EAF2: variants seen among roughly 807,000 people sequenced by gnomAD.
EAF2 encodes the protein ELL-associated factor 2.
Under a neutral mutation model 29.4 loss-of-function variants are expected in EAF2, and 29 were observed. The ratio of observed to expected loss-of-function variants is 0.99; its 90% CI spans 0.73 to 1.35. EAF2 has a LOEUF of 1.35. EAF2 is among the 40% of genes most tolerant of loss of function. EAF2 has a pLI of 0.00. For missense variants in EAF2, 292 were observed against 312.0 expected (o/e 0.94, Z 0.48); for synonymous variants, 103 against 102.5 (o/e 1.00, Z -0.03).
intron 5 of EAF2, among the ~76,000 whole-genome samples, chr3:121,879,153 T>C (rs1920297): frequency 0.22 from 33,883 of 152,218 alleles, 4,347 homozygotes; most frequent in Admixed American, 0.36. Flanking sequence ...GTGGGCATTT[T>C]TTAAAATTAT....
intron 1 of EAF2, among the ~76,000 whole-genome samples, chr3:121,838,807 G>A (rs1708352697): frequency 6.6e-6 from 1 of 152,164 alleles, no homozygotes. Context: ...GGTTTTCATA[G>A]GGATGGATTT....
At chr3:121,855,294 C>CT (rs35091526) in intron 3 of EAF2, among the ~76,000 whole-genome samples, 1 of 152,056 alleles carries the variant, frequency 6.6e-6, no homozygotes, top group African/African-American at 2.4e-5. Flanking sequence ...ATCTCAAATC[C>CT]TTTTTGGAAA....
intron 4 of EAF2, among the ~76,000 whole-genome samples, chr3:121,859,691 G>C (rs1172514305): frequency 6.6e-6 from 1 of 152,108 alleles, no homozygotes; most frequent in African/African-American, 2.4e-5. Context: ...GCCCTGGCCA[G>C]AGCTCCCCAA....
chr3:121,838,039 T>C (rs1708337190), intron 1 of EAF2, among the ~76,000 whole-genome samples: 1 of 152,216 alleles, frequency 6.6e-6, no homozygotes, highest in African/African-American at 2.4e-5. Flanking sequence ...TTGGTTGAAT[T>C]CATTCAAATC....
At chr3:121,848,422 A>T (rs1708569297) in intron 2 of EAF2, among the ~76,000 whole-genome samples, 1 of 152,212 alleles carries the variant, frequency 6.6e-6, no homozygotes, top group Admixed American at 6.5e-5. Context: ...GAATTCTCTT[A>T]AAAACATTAT....
intron 4 of EAF2, among the ~76,000 whole-genome samples, chr3:121,858,063 C>G (rs1465762760): frequency 6.6e-6 from 1 of 152,184 alleles, no homozygotes; most frequent in Non-Finnish European, 1.5e-5. Context: ...TTAATCCAGT[C>G]TATCATTGTT....
chr3:121,885,946 A>T (rs1709274778), intron 5 of EAF2, among the ~76,000 whole-genome samples: 1 of 152,132 alleles, frequency 6.6e-6, no homozygotes, highest in Non-Finnish European at 1.5e-5. Flanking sequence ...TATCCTTGAC[A>T]TATATTATTT....
chr3:121,877,934 A>G (rs1559830514), intron 5 of EAF2, among the ~76,000 whole-genome samples: 2 of 152,104 alleles, frequency 1.3e-5, no homozygotes, highest in South Asian at 2.1e-4. Context: ...GGCATATGCC[A>G]CTGTGTCCAG....
At chr3:121,880,552 C>T (rs763853468) in intron 5 of EAF2, among the ~76,000 whole-genome samples, 26 of 151,012 alleles carry the variant, frequency 1.7e-4, no homozygotes, top group African/African-American at 2.4e-5. Flanking sequence ...TATAGAAATG[C>T]CAATAATTTT....
At chr3:121,852,693 T>C (rs982749529) in intron 2 of EAF2, among the ~76,000 whole-genome samples, 3 of 152,348 alleles carry the variant, frequency 2.0e-5, no homozygotes, top group Admixed American at 1.3e-4. Flanking sequence ...AAATCTCTAA[T>C]GATTAACTTT....
At chr3:121,879,210 C>T (rs1014052717) in intron 5 of EAF2, among the ~76,000 whole-genome samples, 10 of 151,952 alleles carry the variant, frequency 6.6e-5, no homozygotes, top group Admixed American at 3.3e-4. Context: ...AGTTTATTTG[C>T]GCATTTTTAA....
At chr3:121,876,965 T>C (rs1457682559) in intron 5 of EAF2, among the ~76,000 whole-genome samples, 2 of 151,924 alleles carry the variant, frequency 1.3e-5, no homozygotes, top group Non-Finnish European at 2.9e-5. Flanking sequence ...AAACGCCATA[T>C]GCTGATTATA....
chr3:121,842,183 CA>C (rs2107498405), intron 1 of EAF2, among the ~76,000 whole-genome samples: 1 of 152,044 alleles, frequency 6.6e-6, no homozygotes, highest in Admixed American at 6.5e-5. Context: ...GACCCTGTCT[CA>C]AAAAATAATA....
At chr3:121,882,348 CAAA>C (rs56339909) in intron 5 of EAF2, among the ~76,000 whole-genome samples, 208 of 135,814 alleles carry the variant, frequency 1.5e-3, no homozygotes, top group East Asian at 4.2e-3. Flanking sequence ...GACTCTGTCT[CAAA>C]AAAAAAAAAA....
chr3:121,842,051 T>G (rs6766280), intron 1 of EAF2, among the ~76,000 whole-genome samples: 97,682 of 151,402 alleles, frequency 0.65, 31,935 homozygotes, highest in African/African-American at 0.72. Flanking sequence ...GGGTGTGGTG[T>G]CATGTGCCTG....
At chr3:121,844,148 CATT>C (rs1337840442) in intron 1 of EAF2, among the ~76,000 whole-genome samples, 1 of 151,910 alleles carries the variant, frequency 6.6e-6, no homozygotes, top group African/African-American at 2.4e-5. Context: ...AAAACACTGA[CATT>C]ATTTAGTTTT....
intron 5 of EAF2, among the ~76,000 whole-genome samples, chr3:121,877,765 A>G (rs1014682465): frequency 7.9e-5 from 12 of 152,050 alleles, no homozygotes; most frequent in African/African-American, 2.4e-4. Context: ...TTAATTAATT[A>G]ATTAATTGAT....
intron 5 of EAF2, among the ~76,000 whole-genome samples, chr3:121,880,879 A>G (rs1252678348): frequency 6.6e-6 from 1 of 152,032 alleles, no homozygotes; most frequent in East Asian, 1.9e-4. Context: ...TATGGCCTTT[A>G]TTATGTCGAG....
chr3:121,835,236 CAGAT>C lies in EAF2; in HGVS notation c.-47_-44del, dbSNP rs973242741. 6.4e-7 allele frequency: 1 copy of C among 1,561,044 alleles called. No homozygotes were observed. Among genetic ancestry groups the C allele is most frequent in the African/African-American group, 1.4e-5 (1 of 74,058 alleles). On this transcript the variant is annotated 5_prime_UTR_variant, in exon 1 of 6. Transcript: ENST00000273668. ...GTGCAGCTGCTTCAGGCTGAGGTGG[CAGAT>C]AGTGAGCGCTGGTGGCGGAGTTAAA... is the stretch of plus-strand genomic sequence containing the variant.
Sources: allele counts gnomAD v4.1 joint callset (sites outside exome capture counted in the v4.1 genomes callset), GRCh38; gene constraint gnomAD v4.1.1; transcripts MANE v1.5; gene names NCBI Gene and HGNC (gene_info 2026-07-23, HGNC 2026-07-21).